The following HMGCLL1 variants were observed in gnomAD, a reference collection of about 807,000 sequenced individuals.
HMGCLL1 encodes 3-hydroxymethyl-3-methylglutaryl-CoA lyase, cytoplasmic.
A neutral mutation model predicts 39.1 loss-of-function variants in HMGCLL1; 36 were observed. That is an observed-to-expected ratio of 0.92 (90% CI 0.71 to 1.22). The LOEUF (loss-of-function observed/expected upper bound fraction) is 1.22. Ranked by LOEUF, HMGCLL1 falls within the 50% of genes most tolerant of loss-of-function variation. The pLI is 0.00. For missense variants in HMGCLL1, 451 were observed against 416.5 expected, an observed-to-expected ratio of 1.08 and a Z score of -0.72; for synonymous variants, 149 against 144.0, an observed-to-expected ratio of 1.03 and a Z score of -0.25.
At chr6:55,574,113 A>ATG (rs901805690) in intron 1 of HMGCLL1, among the ~76,000 whole-genome samples, 7 of 151,688 alleles carry the variant, frequency 4.6e-5, no homozygotes, top group Admixed American at 2.0e-4. Flanking sequence ...AACATCATAT[A>ATG]TGTGTGTGTG....
At chr6:55,632,188 C>T in the HMGCLL1 span, among the ~76,000 whole-genome samples, 1 of 151,996 alleles carries the variant, frequency 6.6e-6, no homozygotes, top group Non-Finnish European at 1.5e-5. Flanking sequence ...AATAAAACAG[C>T]TGCAGAACCA....
chr6:55,495,623 A>G lies in HMGCLL1; in HGVS notation c.607-16T>C. 6.5e-7 allele frequency: 1 copy of G among 1,546,882 alleles called. No homozygotes were observed. Among genetic ancestry groups the G allele is most frequent in the East Asian group, 2.3e-5 (1 of 42,756 alleles). ...TCTTAGACACCTGTTGATAAAGGTG[A>G]AGTGCTAGTAAAATAATGGAAATGA... On this transcript the variant is annotated splice_polypyrimidine_tract_variant and intron_variant, in intron 6 of 8. Transcript: ENST00000274901.
At chr6:55,652,437 C>G in the HMGCLL1 span, among the ~76,000 whole-genome samples, 5 of 152,126 alleles carry the variant, frequency 3.3e-5, no homozygotes, top group Admixed American at 3.3e-4. Flanking sequence ...AAAATTTAGA[C>G]ACTTTAGTTC....
intron 7 of HMGCLL1, among the ~76,000 whole-genome samples, chr6:55,450,022 A>T (rs1305695982): frequency 6.6e-6 from 1 of 152,168 alleles, no homozygotes; most frequent in Non-Finnish European, 1.5e-5. Flanking sequence ...TCCCTGAAGG[A>T]ACTTGGCTAG....
chr6:55,644,719 T>C, the HMGCLL1 span, among the ~76,000 whole-genome samples: 2 of 151,964 alleles, frequency 1.3e-5, no homozygotes, highest in East Asian at 1.9e-4. Flanking sequence ...GCTTTGTGGA[T>C]TGGTTTCTGG....
intron 7 of HMGCLL1, among the ~76,000 whole-genome samples, chr6:55,442,494 T>C (rs923399383): frequency 1.3e-5 from 2 of 152,110 alleles, no homozygotes; most frequent in Admixed American, 6.6e-5. Flanking sequence ...AAAGGGACTG[T>C]GGGTTTTCAA....
At chr6:55,591,028 T>C in the HMGCLL1 span, among the ~76,000 whole-genome samples, 1 of 152,044 alleles carries the variant, frequency 6.6e-6, no homozygotes, top group Non-Finnish European at 1.5e-5. Flanking sequence ...GCCTTTGCTC[T>C]TTCTTTTTCA....
At chr6:55,595,618 T>C in the HMGCLL1 span, among the ~76,000 whole-genome samples, 2 of 152,174 alleles carry the variant, frequency 1.3e-5, no homozygotes, top group African/African-American at 4.8e-5. Flanking sequence ...GAGATAAAAT[T>C]CTTTGTGTAG....
At chr6:55,499,540 AG>A (rs1376515999) in intron 5 of HMGCLL1, among the ~76,000 whole-genome samples, 1 of 152,082 alleles carries the variant, frequency 6.6e-6, no homozygotes, top group African/African-American at 2.4e-5. Flanking sequence ...GGGGATAAAT[AG>A]TAAGTGATTA....
the HMGCLL1 span, among the ~76,000 whole-genome samples, chr6:55,632,725 G>T: frequency 2.0e-5 from 3 of 151,992 alleles, no homozygotes; most frequent in African/African-American, 7.2e-5. Flanking sequence ...ATGGATTTGA[G>T]CTCCTGAAGT....
At chr6:55,578,517 T>G (rs1297341530) in intron 1 of HMGCLL1, among the ~76,000 whole-genome samples, 3 of 152,224 alleles carry the variant, frequency 2.0e-5, no homozygotes, top group Non-Finnish European at 4.4e-5. Flanking sequence ...CTTCTTAACC[T>G]TCTACCGGTT....
chr6:55,528,611 A>T (rs926555479), intron 3 of HMGCLL1, among the ~76,000 whole-genome samples: 7 of 149,400 alleles, frequency 4.7e-5, no homozygotes, highest in Non-Finnish European at 7.4e-5. Flanking sequence ...AATAATAAAC[A>T]CAGGAAATCT....
chr6:55,640,503 G>A, the HMGCLL1 span, among the ~76,000 whole-genome samples: 1 of 151,440 alleles, frequency 6.6e-6, no homozygotes. Flanking sequence ...TAATTAATTA[G>A]TTAATTAATT....
chr6:55,647,133 T>A, the HMGCLL1 span, among the ~76,000 whole-genome samples: 1 of 152,054 alleles, frequency 6.6e-6, no homozygotes, highest in African/African-American at 2.4e-5. Context: ...ATCATTAAAT[T>A]ATGAACTTTA....
the HMGCLL1 span, among the ~76,000 whole-genome samples, chr6:55,668,378 C>T: frequency 9.8e-3 from 1,489 of 151,992 alleles, 25 homozygotes; most frequent in African/African-American, 0.023. Context: ...CTTTTAAAAG[C>T]TTTTCTTCTT....
At chr6:55,653,788 C>T in the HMGCLL1 span, among the ~76,000 whole-genome samples, 2 of 151,836 alleles carry the variant, frequency 1.3e-5, no homozygotes, top group South Asian at 2.1e-4. Flanking sequence ...GAGCTGACCC[C>T]GTAGAGAAGT....
Position 55,495,573 on chromosome 6 carries a change from T to C in HMGCLL1, c.641A>G (p.Glu214Gly). 6.2e-7 allele frequency: 1 copy of C among 1,612,844 alleles called. No individual in the cohort carries two copies. The highest frequency in any genetic ancestry group is 8.5e-7 in the Non-Finnish European group (1 of 1,179,380). ...SKRLYGMGCY[E>G]ISLGDTIGVG... ...TCCAATTGTGTCTCCTAGAGAGATC[T>C]CATAACAACCCATGCCGTACAATCT... is the stretch of plus-strand genomic sequence containing the variant. The change falls in exon 7 of 9, where the codon GAG becomes GGG. Residue 214 changes from glutamate to glycine, a missense_variant. Transcript: ENST00000274901.
intron 7 of HMGCLL1, among the ~76,000 whole-genome samples, chr6:55,454,205 C>A (rs1243209650): frequency 1.3e-5 from 2 of 152,054 alleles, no homozygotes; most frequent in Non-Finnish European, 2.9e-5. Flanking sequence ...AAAGATAGGA[C>A]ACAGTGATTC....
chr6:55,502,988 C>T (rs199824265), intron 5 of HMGCLL1, among the ~76,000 whole-genome samples: 2,182 of 151,816 alleles, frequency 0.014, 48 homozygotes, highest in African/African-American at 0.048. Flanking sequence ...AAGTTTTTTT[C>T]GTTGTCTCCT....
Sources: gnomAD v4.1 joint callset for allele counts (sites outside exome capture counted in the v4.1 genomes callset) on GRCh38, gnomAD v4.1.1 for gene constraint, MANE v1.5 for transcripts, NCBI Gene and HGNC (gene_info 2026-07-23, HGNC 2026-07-21) for gene names.